ADGRL2: variants seen among roughly 807,000 people sequenced by gnomAD.
ADGRL2 encodes the protein calcium-independent alpha-latrotoxin receptor 2.
In ADGRL2, 44 loss-of-function variants were observed where a neutral mutation model predicts 157.4. The observed-to-expected ratio is 0.28, with a 90% CI of 0.22 to 0.36. The LOEUF is 0.36. ADGRL2 is among the 10% of genes least tolerant of loss of function. ADGRL2 has a pLI of 1.00. For synonymous variants in ADGRL2, 585 were observed against 624.7 expected, an observed-to-expected ratio of 0.94 and a Z score of 0.95; for missense variants, 1,510 against 1,768.9, an observed-to-expected ratio of 0.85 and a Z score of 2.63.
intron 1 of ADGRL2, among the ~76,000 whole-genome samples, chr1:81,825,072 G>A (rs543078388): frequency 2.6e-4 from 39 of 151,982 alleles, no homozygotes; most frequent in African/African-American, 8.4e-4. Context: ...AGGGCTGGGC[G>A]CAGTGGCTCA....
chr1:81,778,247 G>C (rs112088597), intron 2 of ADGRL2, among the ~76,000 whole-genome samples: 31,061 of 151,410 alleles, frequency 0.21, 3,559 homozygotes, highest in African/African-American at 0.3. Flanking sequence ...GCGTGAACTC[G>C]GGAGGCGGAG....
intron 2 of ADGRL2, among the ~76,000 whole-genome samples, chr1:81,498,418 A>C (rs2078774062): frequency 6.6e-6 from 1 of 152,196 alleles, no homozygotes; most frequent in Admixed American, 6.5e-5. Context: ...TCTGGCAAGC[A>C]TTCAGAACCA....
chr1:81,773,789 T>C (rs1032607114), intron 2 of ADGRL2, among the ~76,000 whole-genome samples: 1 of 152,186 alleles, frequency 6.6e-6, no homozygotes, highest in Non-Finnish European at 1.5e-5. Context: ...TGGGCTGAAT[T>C]GTGTCGTCTC....
intron 1 of ADGRL2, among the ~76,000 whole-genome samples, chr1:81,310,526 A>G (rs1033392559): frequency 2.0e-5 from 3 of 152,190 alleles, no homozygotes; most frequent in African/African-American, 7.2e-5. Flanking sequence ...GTAACAAATG[A>G]AAAACAATTT....
chr1:81,550,232 G>A (rs1367218748), intron 2 of ADGRL2, among the ~76,000 whole-genome samples: 1 of 152,126 alleles, frequency 6.6e-6, no homozygotes, highest in Non-Finnish European at 1.5e-5. Flanking sequence ...GCCCAGAAAT[G>A]CCCTTACTTT....
intron 3 of ADGRL2, among the ~76,000 whole-genome samples, chr1:81,614,935 CCCAGGAGG>C (rs1282672362): frequency 6.6e-6 from 1 of 152,000 alleles, no homozygotes; most frequent in Admixed American, 6.6e-5. Flanking sequence ...ATTACTTGAG[CCCAGGAGG>C]CAGAGTTTGC....
chr1:81,905,981 T>TGTGC (rs994023362), intron 2 of ADGRL2, among the ~76,000 whole-genome samples: 2 of 151,326 alleles, frequency 1.3e-5, no homozygotes, highest in African/African-American at 4.8e-5. Flanking sequence ...TGTGTGTGTG[T>TGTGC]GTGTGTACAT....
intron 2 of ADGRL2, among the ~76,000 whole-genome samples, chr1:81,474,225 G>T (rs776601098): frequency 7.2e-5 from 11 of 152,182 alleles, no homozygotes; most frequent in Admixed American, 1.3e-4. Flanking sequence ...AAAACCTATG[G>T]AATATGCCTG....
chr1:81,938,726 C>T (rs2095345476), intron 4 of ADGRL2, among the ~76,000 whole-genome samples: 1 of 151,478 alleles, frequency 6.6e-6, no homozygotes, highest in African/African-American at 2.4e-5. Context: ...ACAGTAGTGA[C>T]ACTCTATAAA....
chr1:81,543,377 A>T (rs891495460), intron 2 of ADGRL2, among the ~76,000 whole-genome samples: 5 of 152,206 alleles, frequency 3.3e-5, no homozygotes, highest in African/African-American at 1.2e-4. Context: ...ATGAAGAAGC[A>T]GGCCCTTGCC....
chr1:81,357,345 A>G (rs1663391277), intron 1 of ADGRL2, among the ~76,000 whole-genome samples: 1 of 152,120 alleles, frequency 6.6e-6, no homozygotes. Flanking sequence ...TGGATATATA[A>G]CACCAGCCTC....
intron 2 of ADGRL2, among the ~76,000 whole-genome samples, chr1:81,480,085 C>G (rs922572835): frequency 6.6e-6 from 1 of 152,146 alleles, no homozygotes; most frequent in African/African-American, 2.4e-5. Flanking sequence ...AGCCTAGTCT[C>G]TGTTATACAG....
chr1:81,895,569 A>G (rs574574937), intron 2 of ADGRL2, among the ~76,000 whole-genome samples: 2 of 151,436 alleles, frequency 1.3e-5, no homozygotes, highest in Non-Finnish European at 2.9e-5. Flanking sequence ...ATTTTTTTGT[A>G]TTTTTAGTAG....
At chr1:81,709,656 C>T (rs1272959599) in intron 1 of ADGRL2, among the ~76,000 whole-genome samples, 1 of 152,002 alleles carries the variant, frequency 6.6e-6, no homozygotes, top group Non-Finnish European at 1.5e-5. Context: ...CACTTGATTT[C>T]CCTACTCACT....
chr1:81,593,617 C>T (rs555006503), intron 3 of ADGRL2, among the ~76,000 whole-genome samples: 3 of 152,190 alleles, frequency 2.0e-5, no homozygotes, highest in East Asian at 3.9e-4. Context: ...GGGTTTTGGG[C>T]TCTATTACCT....
chr1:81,943,957 G>T lies in ADGRL2; in HGVS notation c.1210+188G>T, dbSNP rs927440675. 2.6e-5 allele frequency among the ~76,000 whole-genome samples: 4 copies of T among 151,416 alleles called. No individual in the cohort carries two copies. The highest frequency in any genetic ancestry group is 6.6e-5 in the Admixed American group (1 of 15,148). On this transcript the variant is annotated intron_variant, in intron 6 of 23. Coordinates refer to ENST00000686636, the MANE Select transcript of ADGRL2 (RefSeq NM_001366006.2). The surrounding 1 kb of genome is among the most constrained non-coding windows in gnomAD (Gnocchi z 5.6). Reference sequence around the variant, plus strand: ...TTCTCAATTTCTTCATTTTAATGTTGGCTTCAAGAAATTGTGGCATTATTA... The same window carrying T: ...TTCTCAATTTCTTCATTTTAATGTTTGCTTCAAGAAATTGTGGCATTATTA...
intron 3 of ADGRL2, among the ~76,000 whole-genome samples, chr1:81,593,855 A>C (rs1177252132): frequency 6.6e-6 from 1 of 152,214 alleles, no homozygotes; most frequent in African/African-American, 2.4e-5. Flanking sequence ...TAATGAATCT[A>C]AAGAGGCTCC....
chr1:81,913,360 G>A, intron 3 of ADGRL2, among the ~76,000 whole-genome samples: 1 of 152,194 alleles, frequency 6.6e-6, no homozygotes, highest in Non-Finnish European at 1.5e-5. Flanking sequence ...TTACATTACA[G>A]TGGATGCAGA....
intron 3 of ADGRL2, among the ~76,000 whole-genome samples, chr1:81,912,669 A>G (rs1467969593): frequency 6.6e-6 from 1 of 150,606 alleles, no homozygotes; most frequent in African/African-American, 2.5e-5. Context: ...TAAAATTGCC[A>G]TAAAAAAAAA....
Sources: gnomAD v4.1 joint callset for allele counts (sites outside exome capture counted in the v4.1 genomes callset) on GRCh38, gnomAD v4.1.1 for gene constraint, Gnocchi (gnomAD v3.1) non-coding constraint, MANE v1.5 for transcripts, NCBI Gene and HGNC (gene_info 2026-07-23, HGNC 2026-07-21) for gene names.